The following NR6A1 variants were observed in gnomAD, a reference collection of about 807,000 sequenced individuals.
NR6A1 encodes the protein retinoic acid receptor-related testis-associated receptor.
Under a neutral mutation model 59.1 loss-of-function variants are expected in NR6A1, and 7 were observed. That is an observed-to-expected ratio of 0.12 (90% CI 0.07 to 0.22). NR6A1 has a LOEUF of 0.22. Ranked by LOEUF, NR6A1 falls within the 10% of genes least tolerant of loss-of-function variation. The pLI, the probability that NR6A1 is intolerant of heterozygous loss-of-function variation, is 1.00. For synonymous variants in NR6A1, 243 were observed against 236.1 expected (o/e 1.03, Z -0.27); for missense variants, 468 against 611.6 (o/e 0.77, Z 2.48).
At chr9:124,573,068 C>T (rs991191497) in intron 2 of NR6A1, among the ~76,000 whole-genome samples, 8 of 152,178 alleles carry the variant, frequency 5.3e-5, no homozygotes, top group African/African-American at 1.9e-4. Flanking sequence ...CTAAAAATAG[C>T]TGCCAACTTC....
chr9:124,638,843 G>A (rs1410802262), intron 2 of NR6A1, among the ~76,000 whole-genome samples: 1 of 152,158 alleles, frequency 6.6e-6, no homozygotes, highest in African/African-American at 2.4e-5. Context: ...CTCAAATAAG[G>A]TGATGCTTGT....
intron 2 of NR6A1, among the ~76,000 whole-genome samples, chr9:124,567,152 G>A (rs1268451455): frequency 6.6e-6 from 1 of 152,012 alleles, no homozygotes; most frequent in African/African-American, 2.4e-5. Context: ...CAACGGGCGA[G>A]TCAAGTGGGA....
chr9:124,605,031 A>G (rs1393235027), intron 2 of NR6A1, among the ~76,000 whole-genome samples: 1 of 152,210 alleles, frequency 6.6e-6, no homozygotes. Flanking sequence ...GCTGCTAACC[A>G]TTACAAAAAG....
intron 2 of NR6A1, among the ~76,000 whole-genome samples, chr9:124,618,765 C>T (rs1017115564): frequency 1.3e-5 from 2 of 152,210 alleles, no homozygotes; most frequent in African/African-American, 4.8e-5. Context: ...CACTGATATG[C>T]TAACTTCTCC....
intron 2 of NR6A1, among the ~76,000 whole-genome samples, chr9:124,598,169 C>T (rs774662171): frequency 7.9e-5 from 12 of 152,144 alleles, no homozygotes; most frequent in Middle Eastern, 3.4e-3. Context: ...TTTTTAACTA[C>T]GCCTCCAAGT....
intron 2 of NR6A1, among the ~76,000 whole-genome samples, chr9:124,605,274 A>AGC (rs1431831604): frequency 6.6e-6 from 1 of 152,256 alleles, no homozygotes; most frequent in African/African-American, 2.4e-5. Context: ...GTCTCAACTT[A>AGC]GAGGGGGAAA....
chr9:124,537,828 C>G (rs940762662), intron 6 of NR6A1, among the ~76,000 whole-genome samples: 2 of 152,108 alleles, frequency 1.3e-5, no homozygotes, highest in African/African-American at 4.8e-5. Flanking sequence ...CCTGGCTTAC[C>G]TAGGCCCAAG....
intron 2 of NR6A1, among the ~76,000 whole-genome samples, chr9:124,577,715 T>A (rs1302597119): frequency 6.6e-6 from 1 of 152,212 alleles, no homozygotes; most frequent in Admixed American, 6.5e-5. Context: ...CTGGACCACA[T>A]GAATTTGACT....
At chr9:124,727,299 T>C (rs1173003698) in intron 2 of NR6A1, among the ~76,000 whole-genome samples, 1 of 152,254 alleles carries the variant, frequency 6.6e-6, no homozygotes. Context: ...AGGATGGCCT[T>C]ACTCCTTTGG....
intron 1 of NR6A1, among the ~76,000 whole-genome samples, chr9:124,750,094 C>T (rs1840452241): frequency 6.6e-6 from 1 of 152,224 alleles, no homozygotes; most frequent in African/African-American, 2.4e-5. Flanking sequence ...AACTTTAATA[C>T]AAGCTGACCT....
rs560773509 is a variant in NR6A1, at chr9:124,760,394, T to C, written c.100+10626A>G. ...AAAAAGTCACTTGCAATTCTAAGAG[T>C]GGGTCTTTTTGGCTCTCTAATCAAT... On this transcript the variant is annotated intron_variant, in intron 1 of 9. Transcript: ENST00000487099. Among the ~76,000 whole-genome samples the C allele has an allele frequency of 1.1e-3, 174 of 151,670 alleles. 1 individual carries two copies. The highest frequency in any genetic ancestry group is 3.8e-3 in the African/African-American group (158 of 41,308).
chr9:124,746,407 G>A (rs531280587), intron 1 of NR6A1, among the ~76,000 whole-genome samples: 14 of 152,204 alleles, frequency 9.2e-5, no homozygotes, highest in Admixed American at 7.9e-4. Flanking sequence ...TGGTCACCAC[G>A]GTGAAACCCC....
At chr9:124,551,324 A>G (rs941985811) in intron 3 of NR6A1, among the ~76,000 whole-genome samples, 1 of 152,146 alleles carries the variant, frequency 6.6e-6, no homozygotes. Flanking sequence ...ATCTATCTGA[A>G]ACACGAATAC....
At position 124,520,370 on chromosome 9, in the gene NR6A1, CTT is replaced by C. The variant is rs1832775783; in HGVS notation, c.*2333_*2334del. 1 of 152,212 alleles carries C rather than the reference CTT, an allele frequency of 6.6e-6. No homozygotes were observed. Among genetic ancestry groups the C allele is most frequent in the African/African-American group, 2.4e-5 (1 of 41,456 alleles). The allele number at this position is 152,212 out of a possible 1,614,324, so 9.4% of individuals were successfully genotyped here. ...CAGGGCTCTCGGCAATGAATGGGCT[CTT>C]TGTTCTGTGGAATCTGCTGCAAACA... is the stretch of plus-strand genomic sequence containing the variant. On this transcript the variant is annotated 3_prime_UTR_variant, in exon 10 of 10. Coordinates refer to ENST00000487099, the MANE Select transcript of NR6A1 (RefSeq NM_033334.4).
intron 2 of NR6A1, among the ~76,000 whole-genome samples, chr9:124,718,846 G>A (rs938638918): frequency 9.5e-6 from 1 of 104,836 alleles, no homozygotes; most frequent in East Asian, 3.1e-4. Flanking sequence ...ACAGGGTCTC[G>A]TTCTGCTGCC....
chr9:124,626,909 G>A (rs1391367419), intron 2 of NR6A1, among the ~76,000 whole-genome samples: 21 of 152,214 alleles, frequency 1.4e-4, no homozygotes. Context: ...ACTCCAGCCT[G>A]GTGGCAGAGT....
intron 2 of NR6A1, among the ~76,000 whole-genome samples, chr9:124,609,945 T>C (rs970372583): frequency 4.6e-5 from 7 of 152,254 alleles, no homozygotes; most frequent in Non-Finnish European, 8.8e-5. Context: ...CTTGTGATTT[T>C]TGCACATTGA....
intron 2 of NR6A1, among the ~76,000 whole-genome samples, chr9:124,696,775 G>A: frequency 6.6e-6 from 1 of 152,162 alleles, no homozygotes; most frequent in African/African-American, 2.4e-5. Flanking sequence ...GCCCACCTCA[G>A]CCTCCCAAGT....
intron 2 of NR6A1, chr9:124,658,401 G>A (rs1837325449): frequency 6.6e-6 from 1 of 152,218 alleles, no homozygotes. Flanking sequence ...TCCATCATCT[G>A]GGTCATATAT....
Sources: allele counts gnomAD v4.1 joint callset (sites outside exome capture counted in the v4.1 genomes callset), GRCh38; gene constraint gnomAD v4.1.1; transcripts MANE v1.5; gene names NCBI Gene and HGNC (gene_info 2026-07-23, HGNC 2026-07-21).